MREG: variants seen among roughly 807,000 people sequenced by gnomAD.
MREG encodes melanoregulin, also known as dilute suppressor protein homolog.
A neutral mutation model predicts 28.5 loss-of-function variants in MREG; 31 were observed. The ratio of observed to expected loss-of-function variants is 1.09; its 90% CI spans 0.82 to 1.47. The LOEUF (loss-of-function observed/expected upper bound fraction) is 1.47, where lower values mean the gene tolerates loss of function less well. Among genes scored for constraint, MREG ranks in the 40% most tolerant of loss-of-function variants. The pLI, the probability that MREG is intolerant of heterozygous loss-of-function variation, is 0.00. For missense variants in MREG, 256 were observed against 257.4 expected (o/e 0.99, Z 0.04); for synonymous variants, 106 against 95.2 (o/e 1.11, Z -0.66).
chr2:215,989,427 C>T (rs898869474), intron 2 of MREG, among the ~76,000 whole-genome samples: 17 of 152,256 alleles, frequency 1.1e-4, no homozygotes, highest in Non-Finnish European at 8.8e-5. Context: ...GATAAATCCC[C>T]GAAGATGAGG....
intron 2 of MREG, among the ~76,000 whole-genome samples, chr2:215,969,453 T>A (rs575105363): frequency 1.3e-5 from 2 of 152,322 alleles, no homozygotes; most frequent in Admixed American, 1.3e-4. Context: ...TCCTGCCAAT[T>A]TCATGGGTGC....
intron 2 of MREG, among the ~76,000 whole-genome samples, chr2:215,950,430 C>A (rs1403071814): frequency 6.6e-6 from 1 of 152,132 alleles, no homozygotes; most frequent in African/African-American, 2.4e-5. Flanking sequence ...AATGGGGAAG[C>A]AACACATAAC....
At chr2:216,006,414 C>A (rs1054097812) in intron 1 of MREG, among the ~76,000 whole-genome samples, 1 of 152,222 alleles carries the variant, frequency 6.6e-6, no homozygotes, top group Non-Finnish European at 1.5e-5. Flanking sequence ...GGCAAAAGCA[C>A]CAGCCTTGCA....
At chr2:216,028,777 G>A (rs1694635721) in intron 1 of MREG, among the ~76,000 whole-genome samples, 1 of 152,170 alleles carries the variant, frequency 6.6e-6, no homozygotes, top group Non-Finnish European at 1.5e-5. Context: ...CTTGCTGTTT[G>A]AGAAATTTGA....
downstream of MREG, chr2:215,939,388 A>G (rs1428605712): frequency 6.6e-6 from 1 of 152,160 alleles, no homozygotes; most frequent in Non-Finnish European, 1.5e-5. Flanking sequence ...GTTGCCCCAA[A>G]TTCTTCTAAA....
At chr2:215,948,483 G>T (rs1692379660) in intron 2 of MREG, among the ~76,000 whole-genome samples, 1 of 152,210 alleles carries the variant, frequency 6.6e-6, no homozygotes, top group African/African-American at 2.4e-5. Flanking sequence ...CCTTGGAAGA[G>T]GGCAAAGTTA....
upstream of MREG, among the ~76,000 whole-genome samples, chr2:216,018,527 A>C (rs1694478481): frequency 6.6e-6 from 1 of 152,232 alleles, no homozygotes; most frequent in South Asian, 2.1e-4. Context: ...GAGTCTATTT[A>C]TGAGCTGCCC....
At chr2:215,970,378 G>A (rs1693056452) in intron 2 of MREG, among the ~76,000 whole-genome samples, 1 of 152,102 alleles carries the variant, frequency 6.6e-6, no homozygotes, top group East Asian at 1.9e-4. Context: ...TGTTGTTTAA[G>A]CCACCCAGTT....
Position 215,949,214 on chromosome 2 carries a change from G to A in MREG, c.256-2101C>T, listed in dbSNP as rs1211096862. Among the ~76,000 whole-genome samples the A allele has an allele frequency of 5.3e-5, 8 of 151,004 alleles. No individual in the cohort carries two copies. In the Middle Eastern group the frequency reaches 0.01, roughly 195 times the overall value. On this transcript the variant is annotated intron_variant, in intron 2 of 4. Transcript: ENST00000263268. ...GGAGGCAGAGGTTGCAGTGCGCAGA[G>A]ATCGCACCACTGCACTTCGGCCTGG...
chr2:215,972,075 T>C (rs1693114288), intron 2 of MREG, among the ~76,000 whole-genome samples: 1 of 152,138 alleles, frequency 6.6e-6, no homozygotes, highest in Non-Finnish European at 1.5e-5. Flanking sequence ...AAGATCGTTT[T>C]GGACAGGAAA....
At chr2:215,958,425 AC>A (rs1692690506) in intron 2 of MREG, among the ~76,000 whole-genome samples, 1 of 152,158 alleles carries the variant, frequency 6.6e-6, no homozygotes, top group Non-Finnish European at 1.5e-5. Context: ...ATTTTAACAA[AC>A]ATCCAAATGT....
intron 2 of MREG, among the ~76,000 whole-genome samples, chr2:215,949,796 A>G (rs1692438964): frequency 6.6e-6 from 1 of 152,234 alleles, no homozygotes; most frequent in Non-Finnish European, 1.5e-5. Flanking sequence ...TCCTTTCATG[A>G]AAAAATATAT....
At chr2:216,025,350 G>A (rs1374034369) in intron 1 of MREG, among the ~76,000 whole-genome samples, 1 of 152,204 alleles carries the variant, frequency 6.6e-6, no homozygotes, top group African/African-American at 2.4e-5. Flanking sequence ...TCTCAACTTA[G>A]AGGAGGTGCA....
At chr2:215,995,544 A>G (rs1693850085) in intron 2 of MREG, among the ~76,000 whole-genome samples, 1 of 140,208 alleles carries the variant, frequency 7.1e-6, no homozygotes, top group South Asian at 2.2e-4. Context: ...AAACCCAACT[A>G]TAAGTTTCCC....
intron 2 of MREG, among the ~76,000 whole-genome samples, chr2:215,969,582 A>T (rs1452073357): frequency 6.6e-6 from 1 of 152,250 alleles, no homozygotes; most frequent in Non-Finnish European, 1.5e-5. Context: ...TGCATTACAG[A>T]GGAGAAACCC....
intron 2 of MREG, among the ~76,000 whole-genome samples, chr2:215,969,117 G>C (rs934207281): frequency 2.6e-5 from 4 of 152,066 alleles, no homozygotes; most frequent in African/African-American, 9.7e-5. Flanking sequence ...AGTTTTAAAG[G>C]GGCCTTTAGT....
At chr2:216,026,705 A>C (rs577625822) in intron 1 of MREG, among the ~76,000 whole-genome samples, 1 of 151,822 alleles carries the variant, frequency 6.6e-6, no homozygotes, top group Non-Finnish European at 1.5e-5. Context: ...TCAATTAAAT[A>C]AAATGGGGTA....
intron 2 of MREG, among the ~76,000 whole-genome samples, chr2:215,988,277 G>A (rs1693632061): frequency 6.6e-6 from 1 of 152,210 alleles, no homozygotes; most frequent in Non-Finnish European, 1.5e-5. Flanking sequence ...TTGCCTCACA[G>A]AGAAAAGCAA....
intron 2 of MREG, among the ~76,000 whole-genome samples, chr2:215,980,947 G>A (rs1236616185): frequency 6.6e-6 from 1 of 151,828 alleles, no homozygotes; most frequent in East Asian, 1.9e-4. Flanking sequence ...CGGAAGAGAA[G>A]GGAAATATTA....
Sources: gnomAD v4.1 joint callset for allele counts (sites outside exome capture counted in the v4.1 genomes callset) on GRCh38, gnomAD v4.1.1 for gene constraint, MANE v1.5 for transcripts, NCBI Gene and HGNC (gene_info 2026-07-23, HGNC 2026-07-21) for gene names.